Variants in FAM124A observed in about 807,000 individuals in gnomAD.
FAM124A encodes the protein family with sequence similarity 124 member A, also known as protein FAM124A.
A neutral mutation model predicts 24.5 loss-of-function variants in FAM124A; 23 were observed. The ratio of observed to expected loss-of-function variants is 0.94; its 90% confidence interval spans 0.68 to 1.33. The LOEUF (loss-of-function observed/expected upper bound fraction) is 1.33, where lower values mean the gene tolerates loss of function less well. Among genes scored for constraint, FAM124A ranks in the 40% most tolerant of loss-of-function variants. The pLI is 0.00. For synonymous variants in FAM124A, 287 were observed against 314.7 expected, an observed-to-expected ratio of 0.91 and a Z score of 0.93; for missense variants, 623 against 722.8, an observed-to-expected ratio of 0.86 and a Z score of 1.58.
Position 51,251,901 on chromosome 13 carries a change from TCGCTACGA to T in FAM124A, c.536_543del (p.Arg179GlnfsTer4). 6.2e-7 allele frequency: 1 copy of T among 1,614,100 alleles called. No homozygotes were observed. Among genetic ancestry groups the T allele is most frequent in the Non-Finnish European group, 8.5e-7 (1 of 1,180,034 alleles). On this transcript the variant is annotated frameshift_variant, in exon 3 of 4. Transcript: ENST00000322475. LOFTEE classifies it high-confidence loss of function. This position sits in a 1 kb window ranked among gnomAD's most constrained non-coding sequence, Gnocchi z 5.3. ...AAATCGTGCGCTTCACCGTCTACTG[TCGCTACGA>T]CAACTATGCTGACAGCCTCAGGTTC...
intron 3 of FAM124A, 70 bp downstream of exon 3, chr13:51,252,271 T>C (rs1954633691): frequency 2.6e-6 from 4 of 1,543,852 alleles, no homozygotes; most frequent in Non-Finnish European, 3.5e-6. Flanking sequence ...TCAAACACTA[T>C]AGTACCAGTC....
intron 2 of FAM124A, among the ~76,000 whole-genome samples, chr13:51,238,151 G>A (rs1209364774): frequency 3.9e-5 from 6 of 152,220 alleles, no homozygotes; most frequent in African/African-American, 1.4e-4. Context: ...GCTGTTGTGG[G>A]TCAGGGCATC....
At chr13:51,261,701 C>T (rs1954740519) in intron 3 of FAM124A, among the ~76,000 whole-genome samples, 1 of 152,168 alleles carries the variant, frequency 6.6e-6, no homozygotes, top group African/African-American at 2.4e-5. Flanking sequence ...TTCAGGGTTC[C>T]GTTTCCTAAG....
At chr13:51,253,250 G>T (rs1251736782) in intron 3 of FAM124A, 1 of 152,154 alleles carries the variant, frequency 6.6e-6, no homozygotes, top group East Asian at 1.9e-4. Context: ...GTTGGTTTTG[G>T]CTTTAAGCAC....
chr13:51,279,734 C>A (rs1285772961), intron 3 of FAM124A, among the ~76,000 whole-genome samples: 2 of 152,196 alleles, frequency 1.3e-5, no homozygotes, highest in African/African-American at 4.8e-5. Context: ...CCAACCCCTG[C>A]AGGATCCGCA....
intron 3 of FAM124A, among the ~76,000 whole-genome samples, chr13:51,259,206 G>C (rs1174164404): frequency 6.6e-6 from 1 of 152,090 alleles, no homozygotes; most frequent in African/African-American, 2.4e-5. Flanking sequence ...GTCTCTAAAT[G>C]CCACTGGCAT....
At chr13:51,267,241 T>C (rs1954793413) in intron 3 of FAM124A, among the ~76,000 whole-genome samples, 1 of 152,220 alleles carries the variant, frequency 6.6e-6, no homozygotes, top group South Asian at 2.1e-4. Context: ...TCTGGAAGCA[T>C]GTAGATAAAC....
intron 3 of FAM124A, among the ~76,000 whole-genome samples, chr13:51,264,112 C>A (rs1023230949): frequency 3.3e-5 from 5 of 152,200 alleles, no homozygotes; most frequent in African/African-American, 1.2e-4. Flanking sequence ...AGTAGCTATA[C>A]CCATTGGTAC....
chr13:51,232,627 T>C (rs1457710247), intron 2 of FAM124A, among the ~76,000 whole-genome samples: 3 of 152,230 alleles, frequency 2.0e-5, no homozygotes, highest in African/African-American at 7.2e-5. Context: ...CCCTTAGTTA[T>C]TAAGAACCTT....
chr13:51,247,308 C>T (rs1024590185), intron 2 of FAM124A, among the ~76,000 whole-genome samples: 4 of 152,222 alleles, frequency 2.6e-5, no homozygotes, highest in South Asian at 2.1e-4. Flanking sequence ...ATGGTGCACA[C>T]GGAACTCGGA....
chr13:51,231,860 A>G (rs1661994540), intron 2 of FAM124A, among the ~76,000 whole-genome samples: 3 of 152,252 alleles, frequency 2.0e-5, no homozygotes. Flanking sequence ...GTGTGTTAAC[A>G]GTTGGAACAG....
At chr13:51,246,981 G>A (rs1210957830) in intron 2 of FAM124A, among the ~76,000 whole-genome samples, 1 of 152,222 alleles carries the variant, frequency 6.6e-6, no homozygotes, top group Non-Finnish European at 1.5e-5. Flanking sequence ...CTGTGGTGCT[G>A]GCCTGTTTGA....
intron 1 of FAM124A, among the ~76,000 whole-genome samples, chr13:51,230,505 C>A (rs760723358): frequency 8.3e-4 from 127 of 152,142 alleles, no homozygotes; most frequent in Admixed American, 2.3e-3. Flanking sequence ...TCCCTACGTG[C>A]TAAAGTGATT....
At chr13:51,245,027 C>T (rs1954542111) in intron 2 of FAM124A, among the ~76,000 whole-genome samples, 1 of 152,204 alleles carries the variant, frequency 6.6e-6, no homozygotes, top group Admixed American at 6.5e-5. Context: ...GATGTGGACA[C>T]ACAAGGAGTG....
chr13:51,229,204 C>T lies in FAM124A; in HGVS notation c.69-2144C>T, dbSNP rs192089753. ...GACAGCAGAGCTGGGCCATCCGTCA[C>T]GGAGAGAGGGGTTTGTGTTTTACAC... is the stretch of plus-strand genomic sequence containing the variant. On this transcript the variant is annotated intron_variant, in intron 1 of 3. Coordinates refer to ENST00000322475, the MANE Select transcript of FAM124A (RefSeq NM_001242312.2). Among the ~76,000 whole-genome samples, 11 of 152,272 alleles carry T rather than the reference C, an allele frequency of 7.2e-5. No homozygotes were observed. The East Asian group carries it at 1.3e-3, about 19-fold the overall frequency.
At chr13:51,275,209 CAAAAAAA>C (rs34573330) in intron 3 of FAM124A, among the ~76,000 whole-genome samples, 3 of 101,942 alleles carry the variant, frequency 2.9e-5, no homozygotes, top group East Asian at 5.0e-4. Context: ...CCTGTATATA[CAAAAAAA>C]AAAAAAAAAA....
chr13:51,263,455 G>A (rs1954756459), intron 3 of FAM124A, among the ~76,000 whole-genome samples: 1 of 152,230 alleles, frequency 6.6e-6, no homozygotes, highest in Non-Finnish European at 1.5e-5. Flanking sequence ...CCTGGCTGGA[G>A]AGTGATGGGA....
At chr13:51,245,346 G>C in intron 2 of FAM124A, 1 of 699,078 alleles carries the variant, frequency 1.4e-6, no homozygotes, top group South Asian at 1.5e-5. Flanking sequence ...CATGTTGCCT[G>C]TTCCTTTACT....
At chr13:51,255,121 A>G (rs1196018762) in intron 3 of FAM124A, among the ~76,000 whole-genome samples, 1 of 152,136 alleles carries the variant, frequency 6.6e-6, no homozygotes, top group Non-Finnish European at 1.5e-5. Flanking sequence ...TTTTTTTAAT[A>G]TTTATAAGTG....
Sources: gnomAD v4.1 joint callset for allele counts (sites outside exome capture counted in the v4.1 genomes callset) on GRCh38, gnomAD v4.1.1 for gene constraint, Gnocchi (gnomAD v3.1) non-coding constraint, MANE v1.5 for transcripts, NCBI Gene and HGNC (gene_info 2026-07-23, HGNC 2026-07-21) for gene names.